WBP2NL: variants seen among roughly 807,000 people sequenced by gnomAD.
WBP2NL encodes WBP2 N-terminal like.
Under a neutral mutation model 23.3 loss-of-function variants are expected in WBP2NL, and 27 were observed. The ratio of observed to expected loss-of-function variants is 1.16; its 90% CI spans 0.85 to 1.60. The LOEUF is 1.60. Among genes scored for constraint, WBP2NL ranks in the 40% most tolerant of loss-of-function variants. The pLI is 0.00. For missense variants in WBP2NL, 370 were observed against 389.5 expected (o/e 0.95, Z 0.42); for synonymous variants, 151 against 145.9 (o/e 1.03, Z -0.25).
chr22:42,011,292 T>C (rs535809092), intron 1 of WBP2NL, among the ~76,000 whole-genome samples: 7 of 152,128 alleles, frequency 4.6e-5, no homozygotes, highest in Non-Finnish European at 4.4e-5. Flanking sequence ...TCTGTCACCC[T>C]GTCTGGAGTG....
chr22:42,037,617 A>G (rs1489305210), downstream of WBP2NL, among the ~76,000 whole-genome samples: 1 of 151,956 alleles, frequency 6.6e-6, no homozygotes, highest in Non-Finnish European at 1.5e-5. Flanking sequence ...TTTTTATTCC[A>G]TTTATTTGTG....
At chr22:42,009,488 A>G (rs1433563140) in intron 1 of WBP2NL, among the ~76,000 whole-genome samples, 3 of 152,124 alleles carry the variant, frequency 2.0e-5, no homozygotes, top group African/African-American at 7.2e-5. Flanking sequence ...TAATTTTTGC[A>G]TACTATGTAA....
chr22:42,010,995 T>C (rs1189980739), intron 1 of WBP2NL, among the ~76,000 whole-genome samples: 1 of 152,178 alleles, frequency 6.6e-6, no homozygotes, highest in African/African-American at 2.4e-5. Flanking sequence ...TTGGTCATAG[T>C]GTATAGTCCT....
intron 1 of WBP2NL, among the ~76,000 whole-genome samples, chr22:42,008,925 T>C (rs1180451177): frequency 1.3e-5 from 2 of 152,260 alleles, no homozygotes; most frequent in East Asian, 1.9e-4. Flanking sequence ...ACTACAGGTG[T>C]CCACCACCAC....
At chr22:42,047,708 G>A (rs894666553) in intron 8 of WBP2NL, among the ~76,000 whole-genome samples, 5 of 142,312 alleles carry the variant, frequency 3.5e-5, no homozygotes, top group Admixed American at 7.3e-5. Context: ...TGCAAGCTCC[G>A]CCTCCCGGGT....
chr22:42,019,120 C>T (rs1444831559), intron 1 of WBP2NL, among the ~76,000 whole-genome samples, 191 bp from the exon 2 acceptor site: 1 of 151,606 alleles, frequency 6.6e-6, no homozygotes, highest in Non-Finnish European at 1.5e-5. Context: ...ATTTGGGAGG[C>T]TGAGGCAGGA....
chr22:42,004,301 G>A (rs923740276), intron 1 of WBP2NL, among the ~76,000 whole-genome samples: 1 of 151,894 alleles, frequency 6.6e-6, no homozygotes, highest in Non-Finnish European at 1.5e-5. Flanking sequence ...AATTTAAAAA[G>A]AAGGAACAAG....
intron 1 of WBP2NL, among the ~76,000 whole-genome samples, chr22:42,007,571 A>G (rs1922369902): frequency 6.6e-6 from 1 of 152,096 alleles, no homozygotes; most frequent in Non-Finnish European, 1.5e-5. Context: ...CCCTCTCCCC[A>G]TGACACCTAG....
chr22:42,022,929 A>G (rs1490036677), intron 5 of WBP2NL, among the ~76,000 whole-genome samples: 2 of 152,126 alleles, frequency 1.3e-5, no homozygotes, highest in Non-Finnish European at 2.9e-5. Flanking sequence ...ATGGGCCTTT[A>G]GTTTTGTATG....
At chr22:42,024,238 C>T (rs761295543) in intron 5 of WBP2NL, among the ~76,000 whole-genome samples, 7 of 152,154 alleles carry the variant, frequency 4.6e-5, no homozygotes, top group Admixed American at 1.3e-4. Context: ...TTCATTCCTC[C>T]ATTGATGGAC....
chr22:42,019,678 C>T lies in WBP2NL; in HGVS notation c.188C>T (p.Ser63Leu). The change falls in exon 3 of 6, where the codon TCA becomes TTA. Residue 63 changes from serine to leucine, a missense_variant. Physicochemically the swap from Ser to Leu is moderately radical, Grantham distance 145. Coordinates refer to ENST00000328823, the MANE Select transcript of WBP2NL (RefSeq NM_152613.3). ...CTTGCGTAGGTGATTTTCATAACTTCATGCTCCATCAGTGATCCCATGTTG... is the reference window on the plus strand; with the variant it reads ...CTTGCGTAGGTGATTTTCATAACTTTATGCTCCATCAGTGATCCCATGTTG... ...LTSYRVIFIT[S>L]CSISDPMLSF... 2 of 1,614,166 alleles carry T rather than the reference C, an allele frequency of 1.2e-6. No individual in the cohort carries two copies. The highest frequency in any genetic ancestry group is 1.1e-5 in the South Asian group (1 of 91,066).
chr22:41,999,005 C>T (rs1013729252), intron 1 of WBP2NL, 125 bp downstream of exon 1: 297 of 1,145,250 alleles, frequency 2.6e-4, no homozygotes, highest in Non-Finnish European at 3.3e-4. Flanking sequence ...GCTCTTAGCT[C>T]CGCCCCCGAC....
At chr22:42,050,647 C>G (rs1220472982) in intron 8 of WBP2NL, among the ~76,000 whole-genome samples, 1 of 143,204 alleles carries the variant, frequency 7.0e-6, no homozygotes, top group Non-Finnish European at 1.6e-5. Context: ...GACTCCATTC[C>G]CCCGTCCCCT....
chr22:42,045,838 A>C (rs61385159), intron 8 of WBP2NL, among the ~76,000 whole-genome samples: 7,362 of 152,300 alleles, frequency 0.048, 612 homozygotes, highest in African/African-American at 0.17. Flanking sequence ...ACTGATTTAC[A>C]TTTTCAACTA....
At chr22:42,001,109 A>G in intron 1 of WBP2NL, 1 of 1,050,700 alleles carries the variant, frequency 9.5e-7, no homozygotes, top group Non-Finnish European at 1.5e-6. Context: ...GACAAGCACA[A>G]AAGCACCACC....
At chr22:42,037,675 T>C (rs1925236231), downstream of WBP2NL, among the ~76,000 whole-genome samples, 1 of 152,192 alleles carries the variant, frequency 6.6e-6, no homozygotes, top group Admixed American at 6.5e-5. Context: ...TTTAAAATTT[T>C]TGTTGCTAAA....
At chr22:42,030,806 GTC>G (rs903780977), downstream of WBP2NL, 9 of 152,252 alleles carry the variant, frequency 5.9e-5, no homozygotes, top group African/African-American at 2.2e-4. Context: ...GCTTTTCAGT[GTC>G]TGCTGGAATG....
At chr22:42,001,577 AC>A in intron 1 of WBP2NL, 1 of 1,135,314 alleles carries the variant, frequency 8.8e-7, no homozygotes, top group Admixed American at 1.7e-5. Flanking sequence ...AAGAGGGTAC[AC>A]AAAACACAAG....
In WBP2NL at chr22:42,007,758, T is replaced by A. The variant is rs551840349; in HGVS notation, c.62+8878T>A. Among the ~76,000 whole-genome samples, 215 of 152,340 alleles carry A rather than the reference T, an allele frequency of 1.4e-3. 1 individual carries two copies. Among genetic ancestry groups the A allele is most frequent in the African/African-American group, 4.9e-3 (204 of 41,574 alleles). On this transcript the variant is annotated intron_variant, in intron 1 of 5. Transcript: ENST00000328823. ...TCCTTCTTTTAAGGTTGAAAAATAT[T>A]CCATTGTATGTATGTGCCACATTTT... is the stretch of plus-strand genomic sequence containing the variant.
Sources: allele counts gnomAD v4.1 joint callset (sites outside exome capture counted in the v4.1 genomes callset), GRCh38; gene constraint gnomAD v4.1.1; transcripts MANE v1.5; gene names NCBI Gene and HGNC (gene_info 2026-07-23, HGNC 2026-07-21).